TMEM131: variants seen among roughly 807,000 people sequenced by gnomAD.
TMEM131 encodes the protein 2610524E03Rik.
A neutral mutation model predicts 211.6 loss-of-function variants in TMEM131; 66 were observed. The observed-to-expected ratio is 0.31, with a 90% CI of 0.26 to 0.38. TMEM131 has a LOEUF of 0.38. TMEM131 is among the 10% of genes least tolerant of loss of function. The pLI is 1.00. For synonymous variants in TMEM131, 844 were observed against 841.3 expected (o/e 1.00, Z -0.06); for missense variants, 2,036 against 2,299.3 (o/e 0.89, Z 2.34).
At chr2:97,948,207 A>T (rs1678134825) in intron 1 of TMEM131, among the ~76,000 whole-genome samples, 1 of 152,150 alleles carries the variant, frequency 6.6e-6, no homozygotes. Flanking sequence ...GTGGATTAAA[A>T]ATTTTTTTTT....
At chr2:97,886,318 T>C (rs1453650434) in intron 4 of TMEM131, among the ~76,000 whole-genome samples, 1 of 152,218 alleles carries the variant, frequency 6.6e-6, no homozygotes, top group African/African-American at 2.4e-5. Context: ...GGAGGCGTCA[T>C]GTTTCCTTGC....
chr2:97,874,619 A>G (rs914909020), intron 4 of TMEM131, among the ~76,000 whole-genome samples: 1 of 152,194 alleles, frequency 6.6e-6, no homozygotes, highest in African/African-American at 2.4e-5. Flanking sequence ...ATATCCAGCC[A>G]AACTAAGCTT....
intron 1 of TMEM131, among the ~76,000 whole-genome samples, chr2:97,991,934 A>G (rs752788276): frequency 2.6e-4 from 39 of 152,338 alleles, no homozygotes; most frequent in African/African-American, 5.5e-4. Context: ...TAAGAATTAG[A>G]AGGAGGAGGA....
chr2:97,981,028 C>CAAAAAAAAAAAAAAAA lies in TMEM131; in HGVS notation c.187+14432_187+14447dup, dbSNP rs57606185. Among the ~76,000 whole-genome samples, 99 of 37,974 alleles carry CAAAAAAAAAAAAAAAA rather than the reference C, an allele frequency of 2.6e-3. 7 individuals carry two copies. Among genetic ancestry groups the CAAAAAAAAAAAAAAAA allele is most frequent in the South Asian group, 5.8e-3 (3 of 518 alleles). The allele number at this position is 37,974 out of a possible 152,430, so 24.9% of individuals were successfully genotyped here. On this transcript the variant is annotated intron_variant, in intron 1 of 40. Coordinates refer to ENST00000186436, the MANE Select transcript of TMEM131 (RefSeq NM_015348.2). ...TGCTGAAACTCACAGAACTACACAC[C>CAAAAAAAAAAAAAAAA]AAAAAAAAAAAAAAAAAAAAAAAAA...
Position 97,961,260 on chromosome 2 carries a change from T to C in TMEM131, c.188-33773A>G, listed in dbSNP as rs542816770. Among the ~76,000 whole-genome samples the C allele has an allele frequency of 8.5e-5, 13 of 152,280 alleles. No individual in the cohort carries two copies. The East Asian group carries it at 1.9e-3, about 23-fold the overall frequency. Reference sequence around the variant, plus strand: ...AAAAATAAAATAAAATATAATTTCATTGTATTTGGAAAAAATACAATCGGT... The same window carrying C: ...AAAAATAAAATAAAATATAATTTCACTGTATTTGGAAAAAATACAATCGGT... On this transcript the variant is annotated intron_variant, in intron 1 of 40. Transcript: ENST00000186436.
chr2:97,798,659 G>A (rs116336449), intron 25 of TMEM131, among the ~76,000 whole-genome samples: 2 of 152,196 alleles, frequency 1.3e-5, no homozygotes, highest in Non-Finnish European at 2.9e-5. Context: ...CAAAAAGTAG[G>A]GCTCTCCATA....
At chr2:97,939,225 T>C (rs1301282029) in intron 1 of TMEM131, among the ~76,000 whole-genome samples, 2 of 151,954 alleles carry the variant, frequency 1.3e-5, no homozygotes, top group Non-Finnish European at 2.9e-5. Flanking sequence ...CTTCAAAAAA[T>C]CAATGAATCC....
intron 1 of TMEM131, among the ~76,000 whole-genome samples, chr2:97,936,475 AAC>A (rs1677451009): frequency 6.6e-6 from 1 of 152,214 alleles, no homozygotes; most frequent in South Asian, 2.1e-4. Flanking sequence ...GATGTGCCCC[AAC>A]ACACACATAT....
At chr2:97,882,600 C>T (rs1181824767) in intron 4 of TMEM131, among the ~76,000 whole-genome samples, 1 of 152,214 alleles carries the variant, frequency 6.6e-6, no homozygotes, top group Non-Finnish European at 1.5e-5. Flanking sequence ...TCAGTCTGTG[C>T]CCTTGGGGTT....
At chr2:97,992,789 T>C (rs1680321940) in intron 1 of TMEM131, among the ~76,000 whole-genome samples, 1 of 152,232 alleles carries the variant, frequency 6.6e-6, no homozygotes, top group Admixed American at 6.5e-5. Context: ...ATTTTTGCTA[T>C]TCTCAGTATC....
At chr2:97,761,810 G>GT in intron 36 of TMEM131, 1 of 494,400 alleles carries the variant, frequency 2.0e-6, no homozygotes, top group Non-Finnish European at 3.5e-6. Context: ...TCCACAGGTG[G>GT]TAAGAATGAA....
chr2:97,910,655 A>G lies in TMEM131; in HGVS notation c.250-1957T>C, dbSNP rs545910397. ...GTTTCCTGACTTTTTAATGATTGCC[A>G]TTCTAACCGGTGTGAGATGGTATCT... On this transcript the variant is annotated intron_variant, in intron 2 of 40. Coordinates refer to ENST00000186436, the MANE Select transcript of TMEM131 (RefSeq NM_015348.2). 4.6e-5 allele frequency among the ~76,000 whole-genome samples: 7 copies of G among 152,280 alleles called. No homozygotes were observed. In the East Asian group the frequency reaches 5.8e-4, roughly 13 times the overall value.
In TMEM131 at chr2:97,759,649, C is replaced by T. The variant is rs1332334777; in HGVS notation, c.5206+3G>A. 2.5e-6 allele frequency: 4 copies of T among 1,609,798 alleles called. No individual in the cohort carries two copies. The Admixed American group carries it at 5.0e-5, about 20-fold the overall frequency. The stretch of plus-strand genomic sequence containing the variant: ...AGTTACACATCTAGTGTTAAACACT[C>T]ACCACCAGTTAGATTAAAAGAGTTT... On this transcript the variant is annotated splice_donor_region_variant and intron_variant, in intron 39 of 40. Transcript: ENST00000186436.
At chr2:97,970,344 G>A (rs75526371) in intron 1 of TMEM131, among the ~76,000 whole-genome samples, 4,395 of 152,136 alleles carry the variant, frequency 0.029, 79 homozygotes, top group Middle Eastern at 0.065. Flanking sequence ...GGCAAGGTGC[G>A]GGAGGAGGTA....
intron 4 of TMEM131, among the ~76,000 whole-genome samples, chr2:97,869,671 TCA>T (rs1314840878): frequency 6.6e-6 from 1 of 152,168 alleles, no homozygotes; most frequent in African/African-American, 2.4e-5. Flanking sequence ...ACAGACTTGC[TCA>T]CAGACCTCAT....
chr2:97,759,088 T>C (rs1354782501), intron 39 of TMEM131, 35 bp from the exon 40 acceptor site: 1 of 1,613,652 alleles, frequency 6.2e-7, no homozygotes, highest in East Asian at 2.2e-5. Flanking sequence ...AGTCCATATT[T>C]GGTTTTGCCA....
In TMEM131 at chr2:97,812,650, T is replaced by A; in HGVS notation, c.1717A>T (p.Asn573Tyr). ...AAACAGGTTTTTACCTCAATTGGATTGCTGTTTATAATTGCAAATAAAATA... is the reference window on the plus strand; with the variant it reads ...AAACAGGTTTTTACCTCAATTGGATAGCTGTTTATAATTGCAAATAAAATA... ...SNILFAIINS[N>Y]PIELAIKSWH... The change falls in exon 16 of 41, where the codon AAT becomes TAT. Residue 573 changes from asparagine (N) to tyrosine (Y), a missense_variant. By Grantham distance (143) the Asn-to-Tyr change is moderately radical. This residue lies in a region of TMEM131 where 1,623 missense variants were observed against 1,805.9 expected (regional missense o/e 0.90). Coordinates refer to ENST00000186436, the MANE Select transcript of TMEM131 (RefSeq NM_015348.2). The A allele has an allele frequency of 6.3e-7, 1 of 1,592,468 alleles. No individual in the cohort carries two copies. Among genetic ancestry groups the A allele is most frequent in the Non-Finnish European group, 8.5e-7 (1 of 1,172,172 alleles).
At chr2:97,826,655 G>A (rs62154547) in intron 11 of TMEM131, among the ~76,000 whole-genome samples, 1 of 151,602 alleles carries the variant, frequency 6.6e-6, no homozygotes, top group Non-Finnish European at 1.5e-5. Context: ...AGACAAAGAG[G>A]AAGTCAGAAA....
chr2:97,815,357 G>C, intron 12 of TMEM131, 50 bp from the exon 13 acceptor site: 1 of 1,129,702 alleles, frequency 8.9e-7, no homozygotes, highest in Non-Finnish European at 1.2e-6. Flanking sequence ...CTACCAAAGA[G>C]AATTAGTGAA....
Sources: allele counts gnomAD v4.1 joint callset (sites outside exome capture counted in the v4.1 genomes callset), GRCh38; gene constraint gnomAD v4.1.1; regional missense constraint gnomAD v4.1.1; transcripts MANE v1.5; gene names NCBI Gene and HGNC (gene_info 2026-07-23, HGNC 2026-07-21).